Variants in ANKIB1 observed in about 807,000 individuals in gnomAD.
ANKIB1 encodes ankyrin repeat and IBR domain containing 1, also known as ankyrin repeat and IBR domain-containing protein 1.
ANKIB1 carries 43 observed loss-of-function variants against 122.1 expected under a neutral mutation model. The observed-to-expected ratio is 0.35, with a 90% confidence interval of 0.28 to 0.45. The LOEUF (loss-of-function observed/expected upper bound fraction) is 0.45. Ranked by LOEUF, ANKIB1 falls within the 20% of genes least tolerant of loss-of-function variation. The pLI is 1.00. For synonymous variants in ANKIB1, 390 were observed against 442.0 expected (o/e 0.88, Z 1.48); for missense variants, 992 against 1,329.5 (o/e 0.75, Z 3.95).
intron 11 of ANKIB1, among the ~76,000 whole-genome samples, chr7:92,373,456 TAAAC>T (rs1188827471): frequency 6.6e-6 from 1 of 152,190 alleles, no homozygotes; most frequent in Non-Finnish European, 1.5e-5. Context: ...TAATCCAACT[TAAAC>T]AGACTTTGCT....
Position 92,307,622 on chromosome 7 carries a change from A to G in ANKIB1, c.452A>G (p.Tyr151Cys), listed in dbSNP as rs781353771. ...AACAAAAAAAACACACCCTTGCACTATGCTGCTGCCTCAGGGATGAAAGCC... is the reference window on the plus strand; with the variant it reads ...AACAAAAAAAACACACCCTTGCACTGTGCTGCTGCCTCAGGGATGAAAGCC... ...VDNKKNTPLH[Y>C]AAASGMKACV... The change falls in exon 3 of 20, where the codon TAT becomes TGT. Residue 151 changes from tyrosine to cysteine, a missense_variant. Tyr to Cys is a radical substitution (Grantham distance 194). Transcript: ENST00000265742. The G allele has an allele frequency of 3.7e-6, 6 of 1,607,388 alleles. No homozygotes were observed. In the African/African-American group the frequency reaches 4.0e-5, roughly 11 times the overall value.
chr7:92,294,603 A>T, intron 1 of ANKIB1: 1 of 299,486 alleles, frequency 3.3e-6, no homozygotes, highest in Non-Finnish European at 6.1e-6. Flanking sequence ...TGTGAAGAGG[A>T]AAATTGAAAA....
In ANKIB1 at chr7:92,362,176, T is replaced by G. The variant is rs1431507838; in HGVS notation, c.1398-9T>G. On this transcript the variant is annotated splice_polypyrimidine_tract_variant and intron_variant, in intron 9 of 19. Coordinates refer to ENST00000265742, the MANE Select transcript of ANKIB1 (RefSeq NM_019004.2). ...TTAAAATTGTCTTTTCTGTGTTTATTTTCTTTAGGGAGTGCCTTGGTGAAG... is the reference window on the plus strand; with the variant it reads ...TTAAAATTGTCTTTTCTGTGTTTATGTTCTTTAGGGAGTGCCTTGGTGAAG... 6.3e-7 allele frequency: 1 copy of G among 1,585,076 alleles called. No homozygotes were observed. The highest frequency in any genetic ancestry group is 1.8e-5 in the Admixed American group (1 of 55,506).
intron 4 of ANKIB1, among the ~76,000 whole-genome samples, chr7:92,323,471 C>CT (rs148964704): frequency 2.0e-5 from 3 of 151,986 alleles, no homozygotes; most frequent in Admixed American, 6.6e-5. Context: ...AGAGTTATAA[C>CT]TTTTTTTCCT....
intron 1 of ANKIB1, among the ~76,000 whole-genome samples, 162 bp from the exon 2 acceptor site, chr7:92,294,727 A>T (rs1562773683): frequency 1.3e-5 from 2 of 152,186 alleles, no homozygotes; most frequent in Admixed American, 1.3e-4. Flanking sequence ...AGTGTTAAAA[A>T]TTTGAGATTT....
intron 4 of ANKIB1, among the ~76,000 whole-genome samples, chr7:92,321,968 A>G (rs983382927): frequency 1.4e-4 from 21 of 152,022 alleles, no homozygotes; most frequent in African/African-American, 5.1e-4. Flanking sequence ...TCTCCTCCCC[A>G]CCTTTTTTTA....
rs549146714 is a variant in ANKIB1 at position 92,299,655 on chromosome 7, A to G, written c.188+4489A>G. ...GTCTTCCATTAGACTAGACATTAAA[A>G]GAGATTTGTAAACATGGAAAAACAA... On this transcript the variant is annotated intron_variant, in intron 2 of 19. Transcript: ENST00000265742. Among the ~76,000 whole-genome samples the G allele has an allele frequency of 2.1e-3, 315 of 152,258 alleles. 1 individual carries two copies. Among genetic ancestry groups the G allele is most frequent in the Non-Finnish European group, 3.8e-3 (261 of 68,034 alleles).
At position 92,246,255 on chromosome 7, in the gene ANKIB1, G is replaced by T. The variant is rs113531752; in HGVS notation, c.-355G>T. ...GCGGCGCAGCGGCCGGAGAGGGATGGGGGGCGCCCACCCAGTCTGAGCCTC... is the reference window on the plus strand; with the variant it reads ...GCGGCGCAGCGGCCGGAGAGGGATGTGGGGCGCCCACCCAGTCTGAGCCTC... On this transcript the variant is annotated 5_prime_UTR_variant, in exon 1 of 20. Coordinates refer to ENST00000265742, the MANE Select transcript of ANKIB1 (RefSeq NM_019004.2). 1 of 388,538 alleles carries T rather than the reference G, an allele frequency of 2.6e-6. No homozygotes were observed. The allele number at this position is 388,538 out of a possible 1,614,324, so 24.1% of individuals were successfully genotyped here.
At chr7:92,344,285 A>G (rs934067093) in intron 6 of ANKIB1, among the ~76,000 whole-genome samples, 5 of 139,020 alleles carry the variant, frequency 3.6e-5, no homozygotes, top group African/African-American at 5.5e-5. Context: ...GCTCCCTGCA[A>G]CCTCCACCTC....
chr7:92,307,620 C>T lies in ANKIB1; in HGVS notation c.450C>T (p.His150=), dbSNP rs1802589984. ...ATAACAAAAAAAACACACCCTTGCA[C>T]TATGCTGCTGCCTCAGGGATGAAAG... is the stretch of plus-strand genomic sequence containing the variant. ...AVDNKKNTPL[H]YAAASGMKAC... is the part of the protein sequence containing the mutation. Residue 150 remains histidine (H), a synonymous_variant, in exon 3 of 20, where the codon CAC becomes CAT. Transcript: ENST00000265742. 6.2e-7 allele frequency: 1 copy of T among 1,610,582 alleles called. No homozygotes were observed. The highest frequency in any genetic ancestry group is 1.7e-5 in the Admixed American group (1 of 59,692).
intron 9 of ANKIB1, among the ~76,000 whole-genome samples, chr7:92,356,167 A>T (rs1461784060): frequency 6.6e-6 from 1 of 152,144 alleles, no homozygotes; most frequent in Non-Finnish European, 1.5e-5. Flanking sequence ...TATTCAGAGC[A>T]GTAGTTGCAT....
At chr7:92,334,695 C>T (rs1177308331) in intron 5 of ANKIB1, among the ~76,000 whole-genome samples, 2 of 151,550 alleles carry the variant, frequency 1.3e-5, no homozygotes, top group Non-Finnish European at 1.5e-5. Context: ...ACAGAGAAAA[C>T]GTTTATAACA....
intron 11 of ANKIB1, among the ~76,000 whole-genome samples, chr7:92,372,294 A>G (rs574590174): frequency 2.0e-5 from 3 of 152,286 alleles, no homozygotes; most frequent in African/African-American, 7.2e-5. Flanking sequence ...TATAACAACT[A>G]TTTACATAGC....
intron 14 of ANKIB1, among the ~76,000 whole-genome samples, chr7:92,389,705 G>C (rs952248903): frequency 2.6e-5 from 4 of 152,142 alleles, no homozygotes; most frequent in African/African-American, 9.7e-5. Flanking sequence ...TCCAAGATGA[G>C]TATGTGCATT....
chr7:92,319,302 G>A (rs1431667176), intron 3 of ANKIB1, 28 bp from the exon 4 acceptor site: 10 of 1,452,970 alleles, frequency 6.9e-6, no homozygotes, highest in Non-Finnish European at 9.3e-6. Context: ...ACCTGTAGTT[G>A]CAAGTTTTTG....
At chr7:92,314,359 G>T (rs895910551) in intron 3 of ANKIB1, among the ~76,000 whole-genome samples, 3 of 151,998 alleles carry the variant, frequency 2.0e-5, no homozygotes, top group African/African-American at 7.2e-5. Context: ...CAAATATGAT[G>T]AGATTAGCCT....
At chr7:92,264,037 A>G (rs1469812070) in intron 1 of ANKIB1, among the ~76,000 whole-genome samples, 5 of 152,278 alleles carry the variant, frequency 3.3e-5, no homozygotes, top group South Asian at 2.1e-4. Context: ...TTCATGTGTT[A>G]TATCTATTGC....
chr7:92,284,316 G>T (rs1248459402), intron 1 of ANKIB1, among the ~76,000 whole-genome samples: 1 of 152,146 alleles, frequency 6.6e-6, no homozygotes, highest in Non-Finnish European at 1.5e-5. Context: ...TACCTATGGG[G>T]AATGTAAAAT....
intron 1 of ANKIB1, among the ~76,000 whole-genome samples, chr7:92,249,681 T>A (rs757880342): frequency 1.6e-4 from 25 of 151,754 alleles, no homozygotes; most frequent in Non-Finnish European, 2.4e-4. Context: ...GATCGCACCA[T>A]TGCACTCCAG....
Sources: allele counts gnomAD v4.1 joint callset (sites outside exome capture counted in the v4.1 genomes callset), GRCh38; gene constraint gnomAD v4.1.1; transcripts MANE v1.5; gene names NCBI Gene and HGNC (gene_info 2026-07-23, HGNC 2026-07-21).